MTUS2: variants seen among roughly 807,000 people sequenced by gnomAD.
MTUS2 encodes microtubule associated scaffold protein 2, also known as microtubule-associated tumor suppressor candidate 2.
In MTUS2, 40 loss-of-function variants were observed where a neutral mutation model predicts 114.1. The observed-to-expected ratio is 0.35, with a 90% CI of 0.27 to 0.46. The LOEUF (loss-of-function observed/expected upper bound fraction) is 0.46, where lower values mean the gene tolerates loss of function less well. Ranked by LOEUF, MTUS2 falls within the 20% of genes least tolerant of loss-of-function variation. The probability of loss-of-function intolerance (pLI) is 1.00; values close to 1 mark genes in which losing one functional copy is unlikely to be tolerated. For synonymous variants in MTUS2, 688 were observed against 672.0 expected, an observed-to-expected ratio of 1.02 and a Z score of -0.37; for missense variants, 1,679 against 1,705.4, an observed-to-expected ratio of 0.98 and a Z score of 0.27.
chr13:29,231,112 T>G (rs1408659385), intron 5 of MTUS2, among the ~76,000 whole-genome samples: 1 of 152,222 alleles, frequency 6.6e-6, no homozygotes, highest in African/African-American at 2.4e-5. Context: ...ATCATTTTAT[T>G]ATGTGTGTTT....
chr13:29,299,172 G>A (rs902537674), intron 6 of MTUS2, among the ~76,000 whole-genome samples: 16 of 152,280 alleles, frequency 1.1e-4, no homozygotes, highest in African/African-American at 3.6e-4. Flanking sequence ...TACAATTTCT[G>A]GTTGAAGGAT....
chr13:29,316,923 T>C (rs1382951246), intron 6 of MTUS2, among the ~76,000 whole-genome samples: 1 of 152,208 alleles, frequency 6.6e-6, no homozygotes, highest in African/African-American at 2.4e-5. Flanking sequence ...TGTCTTTCAC[T>C]AGGACAGTGC....
chr13:29,307,494 C>A, intron 6 of MTUS2: 1 of 1,272,472 alleles, frequency 7.9e-7, no homozygotes, highest in Non-Finnish European at 1.1e-6. Context: ...CCACTGCCAA[C>A]TTGTCAGTTG....
intron 2 of MTUS2, among the ~76,000 whole-genome samples, chr13:28,905,796 T>A (rs1879966569): frequency 6.6e-6 from 1 of 151,638 alleles, no homozygotes; most frequent in Admixed American, 6.6e-5. Context: ...ATTCCCTCTT[T>A]TTCTATTGAT....
chr13:29,139,922 A>T (rs1892147757), intron 5 of MTUS2, among the ~76,000 whole-genome samples: 1 of 152,054 alleles, frequency 6.6e-6, no homozygotes, highest in South Asian at 2.1e-4. Flanking sequence ...TGTTTCCAGG[A>T]TTGGTTTTCC....
At chr13:28,971,009 G>A (rs1313069134) in intron 2 of MTUS2, among the ~76,000 whole-genome samples, 1 of 152,162 alleles carries the variant, frequency 6.6e-6, no homozygotes, top group East Asian at 1.9e-4. Flanking sequence ...AGCAGTACTC[G>A]ATAGTTATTA....
chr13:28,992,065 A>G (rs1409432100), intron 2 of MTUS2, among the ~76,000 whole-genome samples: 1 of 152,148 alleles, frequency 6.6e-6, no homozygotes, highest in Non-Finnish European at 1.5e-5. Context: ...GGGCCTGGGA[A>G]ATTTACTTTG....
chr13:28,917,818 G>T (rs1880831542), intron 2 of MTUS2, among the ~76,000 whole-genome samples: 1 of 151,532 alleles, frequency 6.6e-6, no homozygotes. Context: ...TAGGTTGTTT[G>T]TTTGATGTTT....
chr13:28,849,646 G>A (rs1422642577), intron 2 of MTUS2, among the ~76,000 whole-genome samples: 1 of 152,100 alleles, frequency 6.6e-6, no homozygotes, highest in Admixed American at 6.5e-5. Context: ...CATCTGTGCT[G>A]GCTTTGCTGG....
At chr13:28,984,924 C>T (rs890527839) in intron 2 of MTUS2, among the ~76,000 whole-genome samples, 1 of 152,172 alleles carries the variant, frequency 6.6e-6, no homozygotes, top group African/African-American at 2.4e-5. Flanking sequence ...TAAAAACAAC[C>T]TCACAGCTTT....
chr13:29,440,384 A>G (rs1458124963), intron 9 of MTUS2, among the ~76,000 whole-genome samples: 1 of 152,226 alleles, frequency 6.6e-6, no homozygotes, highest in Non-Finnish European at 1.5e-5. Context: ...CAAGATGCAG[A>G]TGTTCCATGG....
At chr13:29,095,210 T>C (rs1401178096) in intron 4 of MTUS2, among the ~76,000 whole-genome samples, 6 of 152,152 alleles carry the variant, frequency 3.9e-5, no homozygotes, top group Non-Finnish European at 5.9e-5. Flanking sequence ...TTCTTGTTTA[T>C]CTTCTGCCTC....
intron 8 of MTUS2, among the ~76,000 whole-genome samples, chr13:29,359,880 G>A (rs1452044300): frequency 2.6e-5 from 4 of 152,270 alleles, no homozygotes; most frequent in Middle Eastern, 3.4e-3. Flanking sequence ...CCCCAGTACC[G>A]TTCACGTCGG....
At chr13:29,303,889 A>G (rs1446736910) in intron 6 of MTUS2, among the ~76,000 whole-genome samples, 1 of 152,212 alleles carries the variant, frequency 6.6e-6, no homozygotes, top group African/African-American at 2.4e-5. Context: ...GCCAGAGAGA[A>G]AGGCCAGGTC....
chr13:29,380,596 G>A (rs1459106850), intron 8 of MTUS2, among the ~76,000 whole-genome samples: 3 of 152,170 alleles, frequency 2.0e-5, no homozygotes, highest in Non-Finnish European at 4.4e-5. Flanking sequence ...TGGGTTCATG[G>A]GTCAGTCCCT....
At chr13:29,019,992 T>C (rs1013247665) in intron 2 of MTUS2, among the ~76,000 whole-genome samples, 1 of 152,176 alleles carries the variant, frequency 6.6e-6, no homozygotes, top group Admixed American at 6.5e-5. Flanking sequence ...GGTCATCTGG[T>C]GGAAGAATTG....
chr13:29,346,967 G>A (rs1186588728), intron 7 of MTUS2, among the ~76,000 whole-genome samples: 1 of 151,466 alleles, frequency 6.6e-6, no homozygotes, highest in Admixed American at 6.6e-5. Flanking sequence ...GTGTTTGGGG[G>A]CAGTCGTTCC....
intron 5 of MTUS2, among the ~76,000 whole-genome samples, chr13:29,169,692 G>A (rs1893471811): frequency 6.6e-6 from 1 of 152,152 alleles, no homozygotes; most frequent in Non-Finnish European, 1.5e-5. Flanking sequence ...TGCTGTGCAA[G>A]TATTTAATTT....
chr13:29,235,072 T>C (rs1002839486), intron 5 of MTUS2, among the ~76,000 whole-genome samples: 2 of 151,518 alleles, frequency 1.3e-5, no homozygotes, highest in African/African-American at 4.9e-5. Flanking sequence ...TGGTAATTTT[T>C]CAAATTTAAT....
Sources: allele counts gnomAD v4.1 joint callset (sites outside exome capture counted in the v4.1 genomes callset), GRCh38; gene constraint gnomAD v4.1.1; transcripts MANE v1.5; gene names NCBI Gene and HGNC (gene_info 2026-07-23, HGNC 2026-07-21).